Variants in QSER1 observed in about 807,000 individuals in gnomAD.
QSER1 encodes the protein glutamine and serine-rich protein 1.
Under a neutral mutation model 158.5 loss-of-function variants are expected in QSER1, and 49 were observed. That is an observed-to-expected ratio of 0.31 (90% CI 0.25 to 0.39). The LOEUF (loss-of-function observed/expected upper bound fraction) is 0.39. QSER1 is among the 10% of genes least tolerant of loss of function. The pLI is 1.00. For synonymous variants in QSER1, 650 were observed against 715.5 expected (o/e 0.91, Z 1.46); for missense variants, 1,754 against 2,010.3 (o/e 0.87, Z 2.44).
At chr11:32,941,299 C>T (rs567456113) in intron 4 of QSER1, among the ~76,000 whole-genome samples, 5 of 150,474 alleles carry the variant, frequency 3.3e-5, no homozygotes, top group Admixed American at 1.3e-4. Flanking sequence ...TAGTTACATA[C>T]GTATACATGT....
At chr11:32,964,064 C>T (rs2133597171) in intron 8 of QSER1, among the ~76,000 whole-genome samples, 1 of 152,294 alleles carries the variant, frequency 6.6e-6, no homozygotes, top group Admixed American at 6.5e-5. Flanking sequence ...CCTTGAACTC[C>T]TGGGCTCAAA....
rs750822081 is a variant in QSER1 at position 32,976,627 on chromosome 11, C to T, written c.*153C>T. The T allele has an allele frequency of 3.8e-6, 3 of 789,186 alleles. No homozygotes were observed. Among genetic ancestry groups the T allele is most frequent in the South Asian group, 1.8e-5 (1 of 56,404 alleles). The allele number at this position is 789,186 out of a possible 1,614,324, so 48.9% of individuals were successfully genotyped here. A position where few individuals can be genotyped will look rare whatever the true frequency, so the allele number is the denominator to read the frequency against. ...CCACCTCTGCTGAAGGACAGTGGTG[C>T]GGCCTTTAGGAACGAAGTTAGTCCT... is the stretch of plus-strand genomic sequence containing the variant. On this transcript the variant is annotated 3_prime_UTR_variant, in exon 13 of 13. Transcript: ENST00000650167.
At chr11:32,975,696 A>G in intron 12 of QSER1, 1 of 1,080,220 alleles carries the variant, frequency 9.3e-7, no homozygotes, top group Non-Finnish European at 1.2e-6. Context: ...TTGACATCTC[A>G]CTGCCTTACT....
intron 1 of QSER1, among the ~76,000 whole-genome samples, chr11:32,911,989 A>C (rs1851772670): frequency 6.6e-6 from 1 of 152,176 alleles, no homozygotes; most frequent in African/African-American, 2.4e-5. Context: ...AAATTAATGT[A>C]TTTTGGTCAT....
chr11:32,913,352 A>AGT (rs1851794426), intron 1 of QSER1, among the ~76,000 whole-genome samples: 1 of 151,388 alleles, frequency 6.6e-6, no homozygotes, highest in African/African-American at 2.4e-5. Flanking sequence ...CACCATGCCC[A>AGT]GCTAATTTTT....
intron 8 of QSER1, among the ~76,000 whole-genome samples, chr11:32,963,497 G>A (rs1024989963): frequency 1.3e-5 from 2 of 151,970 alleles, no homozygotes; most frequent in African/African-American, 2.4e-5. Context: ...GATTACAGGC[G>A]CCCGCCATCA....
chr11:32,962,081 C>T (rs1852635368), intron 8 of QSER1, among the ~76,000 whole-genome samples: 1 of 152,184 alleles, frequency 6.6e-6, no homozygotes, highest in South Asian at 2.1e-4. Flanking sequence ...CATGGTTACA[C>T]CATTTTATAT....
chr11:32,902,782 T>C (rs570315587), intron 1 of QSER1, among the ~76,000 whole-genome samples: 1 of 152,362 alleles, frequency 6.6e-6, no homozygotes, highest in South Asian at 2.1e-4. Context: ...TGCTGAGCAC[T>C]GGCCTAATAA....
In QSER1 at chr11:32,932,183, A is replaced by G; in HGVS notation, c.925A>G (p.Arg309Gly). The G allele has an allele frequency of 1.9e-6, 3 of 1,614,228 alleles. No individual in the cohort carries two copies. The highest frequency in any genetic ancestry group is 1.3e-5 in the African/African-American group (1 of 75,070). Residue 309 changes from arginine to glycine, a missense_variant, in exon 4 of 13, where the codon AGA (arginine) becomes GGA (glycine). Arg to Gly is a moderately radical substitution (Grantham distance 125). Transcript: ENST00000650167. Reference protein sequence around the residue: ...LFTSSTASIERALLRECSVIK... With the variant: ...LFTSSTASIEGALLRECSVIK... ...TACTAGTTCTACTGCTTCCATTGAA[A>G]GAGCTCTTCTTCGAGAATGTAGTGT...
In QSER1 at chr11:32,931,966, A is replaced by G. The variant is rs1409636604; in HGVS notation, c.708A>G (p.Gly236=). Residue 236 remains glycine (G), a synonymous_variant, in exon 4 of 13, where the codon GGA becomes GGG. Transcript: ENST00000650167. ...DPLLQIKTSQ[G]TVPTALAFER... ...TGCTACAAATCAAGACTTCCCAGGG[A>G]ACTGTTCCAACTGCTTTGGCATTTG... The G allele has an allele frequency of 6.2e-7, 1 of 1,614,178 alleles. No homozygotes were observed. Among genetic ancestry groups the G allele is most frequent in the Admixed American group, 1.7e-5 (1 of 60,028 alleles).
chr11:32,959,847 G>A (rs1026697667), intron 8 of QSER1, among the ~76,000 whole-genome samples: 3 of 152,004 alleles, frequency 2.0e-5, no homozygotes, highest in Admixed American at 6.6e-5. Flanking sequence ...CTGTAGCCTC[G>A]ACCTCCCAGG....
intron 1 of QSER1, among the ~76,000 whole-genome samples, chr11:32,894,632 T>C (rs913538645): frequency 6.6e-6 from 1 of 152,266 alleles, no homozygotes; most frequent in African/African-American, 2.4e-5. Context: ...AGATTGTCCA[T>C]TGGGACGATT....
chr11:32,952,460 C>T (rs1199643048), intron 4 of QSER1, among the ~76,000 whole-genome samples: 3 of 151,046 alleles, frequency 2.0e-5, no homozygotes, highest in Admixed American at 6.6e-5. Context: ...AAGATAAATC[C>T]CACGTGGTCA....
chr11:32,950,346 G>A (rs1852402430), intron 4 of QSER1, among the ~76,000 whole-genome samples: 1 of 152,020 alleles, frequency 6.6e-6, no homozygotes, highest in African/African-American at 2.4e-5. Flanking sequence ...TGCCCACCCA[G>A]GCCTCCCAAA....
chr11:32,908,301 A>G (rs528712589), intron 1 of QSER1, among the ~76,000 whole-genome samples: 21 of 152,348 alleles, frequency 1.4e-4, no homozygotes, highest in African/African-American at 3.6e-4. Flanking sequence ...GTAGCCAAGC[A>G]TATGCCATAT....
Position 32,913,523 on chromosome 11 carries a change from T to C in QSER1, c.210-13634T>C, listed in dbSNP as rs369898682. On this transcript the variant is annotated intron_variant, in intron 1 of 12. Transcript: ENST00000650167. ...TCGTCCTTTTAATACTCAGTTGTCA[T>C]GTCCTAGAGGAAGTCTTCCCAGATT... is the stretch of plus-strand genomic sequence containing the variant. 2.6e-4 allele frequency among the ~76,000 whole-genome samples: 39 copies of C among 152,302 alleles called. 1 individual carries two copies. In the South Asian group the frequency reaches 8.1e-3, roughly 32 times the overall value.
At chr11:32,949,542 AAAAGATAGTATAATTTG>A (rs1391362927) in intron 4 of QSER1, among the ~76,000 whole-genome samples, 1 of 152,238 alleles carries the variant, frequency 6.6e-6, no homozygotes, top group Non-Finnish European at 1.5e-5. Flanking sequence ...TCAAAATGTG[AAAAGATAGTATAATTTG>A]GATCAACTAT....
chr11:32,904,949 T>C (rs1180682331), intron 1 of QSER1, among the ~76,000 whole-genome samples: 1 of 152,244 alleles, frequency 6.6e-6, no homozygotes, highest in African/African-American at 2.4e-5. Flanking sequence ...GAACTTCAGC[T>C]GTGTTTTCCC....
chr11:32,934,680 GAAGTAT>G lies in QSER1; in HGVS notation c.3427_3432del (p.Ile1143_Ser1144del). ...AACCAAGAGTTTGTTTCTAGTAGTA[GAAGTAT>G]AAGTGGAGAGAATGCTACATCAGAG... On this transcript the variant is annotated inframe_deletion, in exon 4 of 13. Transcript: ENST00000650167. 6.2e-7 allele frequency: 1 copy of G among 1,613,872 alleles called. No individual in the cohort carries two copies. Among genetic ancestry groups the G allele is most frequent in the African/African-American group, 1.3e-5 (1 of 75,040 alleles).
Sources: allele counts gnomAD v4.1 joint callset (sites outside exome capture counted in the v4.1 genomes callset), GRCh38; gene constraint gnomAD v4.1.1; transcripts MANE v1.5; gene names NCBI Gene and HGNC (gene_info 2026-07-23, HGNC 2026-07-21).